RBFOX3: variants seen among roughly 807,000 people sequenced by gnomAD.
RBFOX3 encodes the protein RNA binding fox-1 homolog 3.
Under a neutral mutation model 48.7 loss-of-function variants are expected in RBFOX3, and 17 were observed. The observed-to-expected ratio is 0.35, with a 90% CI of 0.24 to 0.52. The LOEUF (loss-of-function observed/expected upper bound fraction) is 0.52. RBFOX3 is among the 20% of genes least tolerant of loss of function. The pLI, the probability that RBFOX3 is intolerant of heterozygous loss-of-function variation, is 0.94. For synonymous variants in RBFOX3, 212 were observed against 209.5 expected (o/e 1.01, Z -0.10); for missense variants, 382 against 497.5 (o/e 0.77, Z 2.21).
intron 4 of RBFOX3, among the ~76,000 whole-genome samples, chr17:79,211,657 GC>G (rs932089113): frequency 2.0e-5 from 3 of 152,154 alleles, no homozygotes; most frequent in African/African-American, 7.2e-5. Flanking sequence ...GGAGGCAGCT[GC>G]AGATACCCCA....
intron 3 of RBFOX3, among the ~76,000 whole-genome samples, chr17:79,306,922 G>A (rs2076181818): frequency 1.3e-5 from 2 of 152,346 alleles, no homozygotes; most frequent in East Asian, 1.9e-4. Flanking sequence ...TCTGGGGCCC[G>A]ACATCCACGA....
chr17:79,586,507 G>A (rs948444295), intron 1 of RBFOX3, among the ~76,000 whole-genome samples: 2 of 152,164 alleles, frequency 1.3e-5, no homozygotes, highest in Non-Finnish European at 2.9e-5. Flanking sequence ...TTTGTGATGC[G>A]GCAGTCGCTG....
At position 79,513,222 on chromosome 17, in the gene RBFOX3, T is replaced by C. The variant is rs1483068397; in HGVS notation, c.-319-30624A>G. On this transcript the variant is annotated intron_variant, in intron 1 of 14. Transcript: ENST00000693108. ...GCCCCATGGCCAGGGGACACATACC[T>C]GGATACATGTTACCATCAGGTACAG... Among the ~76,000 whole-genome samples, 10 of 131,768 alleles carry C rather than the reference T, an allele frequency of 7.6e-5. No individual in the cohort carries two copies. In the South Asian group the frequency reaches 7.8e-4, roughly 10 times the overall value. 86.4% of individuals were successfully genotyped at this position (131,768 alleles called of 152,430 possible).
intron 1 of RBFOX3, among the ~76,000 whole-genome samples, chr17:79,558,183 T>G (rs1374449966): frequency 6.6e-6 from 1 of 152,012 alleles, no homozygotes; most frequent in African/African-American, 2.4e-5. Flanking sequence ...AGGAAAGACA[T>G]ACCCTCAGAG....
At chr17:79,143,733 C>T (rs1339641669) in intron 4 of RBFOX3, among the ~76,000 whole-genome samples, 1 of 152,222 alleles carries the variant, frequency 6.6e-6, no homozygotes, top group African/African-American at 2.4e-5. Context: ...AGCCACTCTG[C>T]ATCTGAGGCT....
intron 2 of RBFOX3, among the ~76,000 whole-genome samples, chr17:79,454,985 C>A (rs569401506): frequency 6.6e-6 from 1 of 152,342 alleles, no homozygotes; most frequent in Admixed American, 6.5e-5. Context: ...CGAGGCCCGA[C>A]AGCATCCCCC....
the RBFOX3 span, among the ~76,000 whole-genome samples, chr17:79,664,643 C>T: frequency 3.3e-5 from 5 of 152,324 alleles, no homozygotes; most frequent in East Asian, 5.8e-4. Flanking sequence ...CCACCGCGCC[C>T]GGCCTACTCT....
At chr17:79,173,922 G>C (rs2049941992) in intron 4 of RBFOX3, among the ~76,000 whole-genome samples, 1 of 133,494 alleles carries the variant, frequency 7.5e-6, no homozygotes, top group African/African-American at 2.7e-5. Context: ...TGCTGGGGGT[G>C]GGGGGTGGGG....
intron 1 of RBFOX3, among the ~76,000 whole-genome samples, chr17:79,537,550 G>C (rs1287627171): frequency 6.6e-6 from 1 of 152,070 alleles, no homozygotes; most frequent in South Asian, 2.1e-4. Context: ...ACTCCTCCTG[G>C]GCCATGCTAG....
intron 2 of RBFOX3, among the ~76,000 whole-genome samples, chr17:79,469,062 G>A (rs111322615): frequency 0.077 from 11,732 of 152,032 alleles, 1,499 homozygotes; most frequent in African/African-American, 0.27. Flanking sequence ...TTGACTGATC[G>A]ACTGACAGAC....
At chr17:79,150,985 C>T (rs919680149) in intron 4 of RBFOX3, among the ~76,000 whole-genome samples, 4 of 152,188 alleles carry the variant, frequency 2.6e-5, no homozygotes, top group Non-Finnish European at 5.9e-5. Context: ...TGGTGGCCGC[C>T]CCGCTGCTGT....
chr17:79,438,300 A>C (rs782280493), intron 2 of RBFOX3, among the ~76,000 whole-genome samples: 1 of 152,004 alleles, frequency 6.6e-6, no homozygotes, highest in African/African-American at 2.4e-5. Context: ...TATGTATCCT[A>C]CTCCCTCTTG....
chr17:79,122,715 A>G (rs1323820286), intron 4 of RBFOX3, among the ~76,000 whole-genome samples: 1 of 152,250 alleles, frequency 6.6e-6, no homozygotes, highest in African/African-American at 2.4e-5. Context: ...ATGTTCCCAA[A>G]AGAAAGGAAA....
intron 1 of RBFOX3, among the ~76,000 whole-genome samples, chr17:79,513,737 C>A (rs1009217416): frequency 1.3e-5 from 2 of 152,220 alleles, no homozygotes; most frequent in South Asian, 2.1e-4. Context: ...CCAGAAAGAA[C>A]CGTCAGTGAG....
chr17:79,337,513 C>T (rs1457569085), intron 2 of RBFOX3, among the ~76,000 whole-genome samples: 1 of 152,226 alleles, frequency 6.6e-6, no homozygotes, highest in Non-Finnish European at 1.5e-5. Context: ...CGGTGGCTCA[C>T]GCCTGTAATC....
At chr17:79,097,667 AT>A in intron 10 of RBFOX3, 24 bp downstream of exon 10, 9 of 1,031,760 alleles carry the variant, frequency 8.7e-6, no homozygotes, top group Non-Finnish European at 1.2e-5. Context: ...GTCTCATCCC[AT>A]CCCCGCCCCG....
chr17:79,472,617 C>T (rs1417917262), intron 2 of RBFOX3, among the ~76,000 whole-genome samples: 1 of 152,210 alleles, frequency 6.6e-6, no homozygotes, highest in Non-Finnish European at 1.5e-5. Flanking sequence ...TGATCTTAGA[C>T]TTCTGGCCTC....
At chr17:79,625,308 C>T in the RBFOX3 span, among the ~76,000 whole-genome samples, 1 of 152,188 alleles carries the variant, frequency 6.6e-6, no homozygotes, top group East Asian at 1.9e-4. Flanking sequence ...CACCATTCCC[C>T]AGAGATGCGG....
chr17:79,396,293 C>A (rs1021257058), intron 2 of RBFOX3, among the ~76,000 whole-genome samples: 1 of 152,168 alleles, frequency 6.6e-6, no homozygotes, highest in Admixed American at 6.5e-5. Flanking sequence ...CAGAGAAGCC[C>A]AAACTTGAAG....
Sources: gnomAD v4.1 joint callset for allele counts (sites outside exome capture counted in the v4.1 genomes callset) on GRCh38, gnomAD v4.1.1 for gene constraint, MANE v1.5 for transcripts, NCBI Gene and HGNC (gene_info 2026-07-23, HGNC 2026-07-21) for gene names.